CDH9: variants seen among roughly 807,000 people sequenced by gnomAD.
CDH9 encodes cadherin 9.
Under a neutral mutation model 70.9 loss-of-function variants are expected in CDH9, and 28 were observed. The ratio of observed to expected loss-of-function variants is 0.40; its 90% CI spans 0.29 to 0.54. The LOEUF is 0.54. CDH9 is among the 20% of genes least tolerant of loss of function. The pLI is 0.59. For missense variants in CDH9, 874 were observed against 984.4 expected (o/e 0.89, Z 1.50); for synonymous variants, 409 against 343.1 (o/e 1.19, Z -2.12).
At chr5:26,939,424 CCAA>C (rs1741620550) in intron 2 of CDH9, among the ~76,000 whole-genome samples, 1 of 151,082 alleles carries the variant, frequency 6.6e-6, no homozygotes, top group Non-Finnish European at 1.5e-5. Flanking sequence ...TAACTGGTTA[CCAA>C]AAGTTTAGAA....
intron 2 of CDH9, among the ~76,000 whole-genome samples, chr5:26,940,489 T>C (rs13360269): frequency 0.12 from 18,225 of 152,200 alleles, 3,651 homozygotes; most frequent in African/African-American, 0.42. Context: ...TTAAAGCTGC[T>C]ATTAGAATAT....
At chr5:26,890,784 T>C in intron 7 of CDH9, 1 of 443,360 alleles carries the variant, frequency 2.3e-6, no homozygotes, top group Non-Finnish European at 4.1e-6. Flanking sequence ...ACTTTAGAAC[T>C]GTTATTTATA....
At chr5:26,962,507 C>T (rs1162757577) in intron 2 of CDH9, among the ~76,000 whole-genome samples, 1 of 152,012 alleles carries the variant, frequency 6.6e-6, no homozygotes, top group Non-Finnish European at 1.5e-5. Context: ...TTTTAATGAC[C>T]ACCATTCTAA....
chr5:26,923,605 T>C (rs1423828662), intron 2 of CDH9, among the ~76,000 whole-genome samples: 2 of 152,040 alleles, frequency 1.3e-5, no homozygotes, highest in African/African-American at 4.8e-5. Flanking sequence ...AGATTTTATC[T>C]AATGGCTGCA....
intron 1 of CDH9, among the ~76,000 whole-genome samples, chr5:27,016,553 T>G (rs757842641): frequency 2.0e-5 from 3 of 151,908 alleles, no homozygotes; most frequent in Non-Finnish European, 4.4e-5. Context: ...ATATTGCATT[T>G]CAGAATCTGA....
intron 2 of CDH9, among the ~76,000 whole-genome samples, chr5:26,933,270 A>T (rs1473298296): frequency 6.6e-6 from 1 of 151,278 alleles, no homozygotes; most frequent in Non-Finnish European, 1.5e-5. Context: ...AGTAAATTAA[A>T]CCTGAGGTAA....
At chr5:26,903,911 AT>A (rs1740901887) in intron 5 of CDH9, 87 bp from the exon 6 acceptor site, 2 of 675,534 alleles carry the variant, frequency 3.0e-6, no homozygotes, top group Admixed American at 3.2e-5. Flanking sequence ...AAATACATTA[AT>A]TTTAAATAGG....
rs150274879 is a variant in CDH9 at position 27,023,683 on chromosome 5, T to C, written c.-50+14780A>G. Among the ~76,000 whole-genome samples the C allele has an allele frequency of 1.1e-4, 16 of 152,170 alleles. No individual in the cohort carries two copies. The East Asian group carries it at 1.7e-3, about 17-fold the overall frequency. The stretch of plus-strand genomic sequence containing the variant: ...CTTGCTGTAATAATCCGTAACTATA[T>C]TGAATCATTCTTTTCTTAAAGTTCT... On this transcript the variant is annotated intron_variant, in intron 1 of 11. Transcript: ENST00000231021.
At chr5:26,979,276 A>G (rs1742357643) in intron 2 of CDH9, among the ~76,000 whole-genome samples, 1 of 151,756 alleles carries the variant, frequency 6.6e-6, no homozygotes, top group African/African-American at 2.4e-5. Flanking sequence ...ATATGCTAAA[A>G]TATACACTAT....
chr5:26,999,331 C>T (rs1046207090), intron 1 of CDH9, among the ~76,000 whole-genome samples: 17 of 152,108 alleles, frequency 1.1e-4, no homozygotes, highest in Non-Finnish European at 2.2e-4. Context: ...ATGCCATATG[C>T]AATGACTTCT....
chr5:26,960,211 C>A (rs183802294), intron 2 of CDH9, among the ~76,000 whole-genome samples: 41 of 152,062 alleles, frequency 2.7e-4, no homozygotes, highest in Admixed American at 8.5e-4. Context: ...CTAGCAATGA[C>A]CTCGGACACT....
At chr5:26,995,641 G>C (rs1742652928) in intron 1 of CDH9, among the ~76,000 whole-genome samples, 1 of 151,958 alleles carries the variant, frequency 6.6e-6, no homozygotes, top group South Asian at 2.1e-4. Flanking sequence ...ACACCCAAAA[G>C]GATTTTCTGT....
rs542675988 is a variant in CDH9 at position 26,954,475 on chromosome 5, C to T, written c.228+33631G>A. The stretch of plus-strand genomic sequence containing the variant: ...TCTCGGCTCACTGCAAGCTTCGCCT[C>T]CCGGGTTCACGCCATTCGCCTGCCT... On this transcript the variant is annotated intron_variant, in intron 2 of 11. Transcript: ENST00000231021. Among the ~76,000 whole-genome samples, 273 of 138,432 alleles carry T rather than the reference C, an allele frequency of 2.0e-3. 1 individual carries two copies. The highest frequency in any genetic ancestry group is 3.1e-3 in the Non-Finnish European group (207 of 66,064). 90.8% of individuals were successfully genotyped at this position (138,432 alleles called of 152,430 possible).
At chr5:26,941,959 G>T (rs2112036435) in intron 2 of CDH9, among the ~76,000 whole-genome samples, 1 of 152,308 alleles carries the variant, frequency 6.6e-6, no homozygotes, top group South Asian at 2.1e-4. Context: ...GGCTATGCAT[G>T]CTAAGGTGCT....
chr5:26,994,382 C>A (rs955279788), intron 1 of CDH9, among the ~76,000 whole-genome samples: 1 of 152,024 alleles, frequency 6.6e-6, no homozygotes, highest in Non-Finnish European at 1.5e-5. Context: ...AATCTTAACC[C>A]CCAGACTGAT....
chr5:27,001,822 C>A (rs1742773505), intron 1 of CDH9, among the ~76,000 whole-genome samples: 1 of 141,994 alleles, frequency 7.0e-6, no homozygotes, highest in Non-Finnish European at 1.5e-5. Context: ...TAAAGCAGTG[C>A]TTAACATACA....
chr5:26,996,402 T>C (rs1742666107), intron 1 of CDH9, among the ~76,000 whole-genome samples: 1 of 152,034 alleles, frequency 6.6e-6, no homozygotes, highest in African/African-American at 2.4e-5. Flanking sequence ...CCCAATAATT[T>C]TGTGGTTTTG....
chr5:27,002,090 C>A (rs182297779), intron 1 of CDH9, among the ~76,000 whole-genome samples: 106 of 152,180 alleles, frequency 7.0e-4, no homozygotes, highest in African/African-American at 2.5e-3. Flanking sequence ...AAACAAACAA[C>A]CCCATCAAAA....
rs1248453186 is a variant in CDH9 at position 26,902,687 on chromosome 5, C to A, written c.1042G>T (p.Asp348Tyr). The part of the protein sequence containing the change: ...ENQMLYTLRV[D>Y]ASNTHPDPRF... ...GGATCAGGGTGAGTGTTACTTGCAT[C>A]CACTCTTAAAGTATAGAGCATTTGA... The change falls in exon 7 of 12, where the codon GAT (aspartate) becomes TAT (tyrosine). Residue 348 changes from aspartate (D) to tyrosine (Y), a missense_variant. Transcript: ENST00000231021. 6.4e-7 allele frequency: 1 copy of A among 1,572,892 alleles called. No individual in the cohort carries two copies. Among genetic ancestry groups the A allele is most frequent in the Non-Finnish European group, 8.7e-7 (1 of 1,143,300 alleles).
Sources: allele counts gnomAD v4.1 joint callset (sites outside exome capture counted in the v4.1 genomes callset), GRCh38; gene constraint gnomAD v4.1.1; transcripts MANE v1.5; gene names NCBI Gene and HGNC (gene_info 2026-07-23, HGNC 2026-07-21).